Variants in ANGPT1 observed in about 807,000 individuals in gnomAD.
The protein encoded by ANGPT1 is angiopoietin 1.
Under a neutral mutation model 62.2 loss-of-function variants are expected in ANGPT1, and 17 were observed. That is an observed-to-expected ratio of 0.27 (90% CI 0.19 to 0.41). The LOEUF is 0.41. ANGPT1 is among the 10% of genes least tolerant of loss of function. The probability of loss-of-function intolerance (pLI) is 1.00; values close to 1 mark genes in which losing one functional copy is unlikely to be tolerated. For synonymous variants in ANGPT1, 199 were observed against 198.9 expected (o/e 1.00, Z 0.00); for missense variants, 478 against 594.9 (o/e 0.80, Z 2.04).
intron 1 of ANGPT1, among the ~76,000 whole-genome samples, chr8:107,421,490 C>T (rs1339306772): frequency 6.6e-6 from 1 of 152,106 alleles, no homozygotes; most frequent in East Asian, 1.9e-4. Context: ...ACAAGTATCC[C>T]AAAGCTATGT....
At chr8:107,258,519 T>G (rs1001814890) in intron 8 of ANGPT1, among the ~76,000 whole-genome samples, 1 of 152,186 alleles carries the variant, frequency 6.6e-6, no homozygotes, top group Non-Finnish European at 1.5e-5. Flanking sequence ...TTATTAAGCT[T>G]TGGTTGTAGC....
At chr8:107,352,440 A>T (rs924730051) in intron 1 of ANGPT1, among the ~76,000 whole-genome samples, 5 of 152,090 alleles carry the variant, frequency 3.3e-5, no homozygotes, top group African/African-American at 1.2e-4. Context: ...TTGCCCAATG[A>T]CCAGGGGAGA....
chr8:107,410,509 C>T lies in ANGPT1; in HGVS notation c.298-63412G>A, dbSNP rs73702065. Among the ~76,000 whole-genome samples the T allele has an allele frequency of 9.4e-3, 1,427 of 152,238 alleles. 24 individuals are homozygous for T. The highest frequency in any genetic ancestry group is 0.032 in the African/African-American group (1,329 of 41,546). ...GTGTTTTCTAAACCTCTATTTCCTT[C>T]GTTCTGCAGCTAGACACTAATTGTT... On this transcript the variant is annotated intron_variant, in intron 1 of 8. Transcript: ENST00000517746.
At chr8:107,328,787 T>C (rs192877094) in intron 3 of ANGPT1, among the ~76,000 whole-genome samples, 18 of 152,072 alleles carry the variant, frequency 1.2e-4, no homozygotes. Context: ...TAGCAAAGTT[T>C]TGGGAAATTT....
At chr8:107,489,645 T>A (rs1377443814) in intron 1 of ANGPT1, among the ~76,000 whole-genome samples, 2 of 152,198 alleles carry the variant, frequency 1.3e-5, no homozygotes, top group Non-Finnish European at 2.9e-5. Flanking sequence ...CAGGTATAGA[T>A]CCTACATGGA....
intron 7 of ANGPT1, among the ~76,000 whole-genome samples, chr8:107,266,481 G>C (rs2130047395): frequency 6.6e-6 from 1 of 152,292 alleles, no homozygotes; most frequent in East Asian, 1.9e-4. Context: ...TACTTGTTTG[G>C]TGAAGACAGA....
intron 1 of ANGPT1, among the ~76,000 whole-genome samples, chr8:107,441,244 ATCTT>A (rs1322339295): frequency 2.6e-5 from 4 of 152,228 alleles, no homozygotes; most frequent in African/African-American, 9.6e-5. Flanking sequence ...ATCCTTAATC[ATCTT>A]TCTTGGAAAG....
chr8:107,457,938 A>G (rs2130469557), intron 1 of ANGPT1, among the ~76,000 whole-genome samples: 1 of 152,074 alleles, frequency 6.6e-6, no homozygotes, highest in Non-Finnish European at 1.5e-5. Flanking sequence ...GTGAGTTAGT[A>G]AGCAAACTGT....
intron 7 of ANGPT1, among the ~76,000 whole-genome samples, chr8:107,269,287 G>T (rs1031202848): frequency 1.3e-4 from 20 of 151,782 alleles, no homozygotes; most frequent in African/African-American, 4.6e-4. Flanking sequence ...TCACTCATTA[G>T]TGCCAAGTAT....
At chr8:107,482,780 C>T (rs2130524552) in intron 1 of ANGPT1, among the ~76,000 whole-genome samples, 1 of 152,272 alleles carries the variant, frequency 6.6e-6, no homozygotes, top group Admixed American at 6.5e-5. Context: ...TTTGTTCTAA[C>T]TTTTAAAAAC....
intron 1 of ANGPT1, among the ~76,000 whole-genome samples, chr8:107,383,559 C>T (rs1286358151): frequency 6.6e-6 from 1 of 152,092 alleles, no homozygotes; most frequent in Non-Finnish European, 1.5e-5. Flanking sequence ...ATTATACCGC[C>T]TGTCTAGGTC....
At chr8:107,325,878 G>C (rs1815275395) in intron 3 of ANGPT1, among the ~76,000 whole-genome samples, 1 of 151,974 alleles carries the variant, frequency 6.6e-6, no homozygotes, top group Non-Finnish European at 1.5e-5. Flanking sequence ...TGTTTGATTT[G>C]TTTTGTTTTT....
At chr8:107,459,426 T>A (rs942953408) in intron 1 of ANGPT1, among the ~76,000 whole-genome samples, 4 of 151,224 alleles carry the variant, frequency 2.6e-5, no homozygotes, top group South Asian at 2.1e-4. Context: ...GAGGCGGAGG[T>A]TGCAGTGAGC....
chr8:107,420,423 T>G (rs1415262257), intron 1 of ANGPT1, among the ~76,000 whole-genome samples: 1 of 152,188 alleles, frequency 6.6e-6, no homozygotes, highest in Non-Finnish European at 1.5e-5. Context: ...TTTGCTTTAT[T>G]CCTGAAAGAA....
intron 1 of ANGPT1, among the ~76,000 whole-genome samples, chr8:107,441,379 C>T (rs551573479): frequency 4.6e-5 from 7 of 152,236 alleles, no homozygotes; most frequent in African/African-American, 1.4e-4. Context: ...TTTCAATATT[C>T]GAAGAAAGCT....
intron 2 of ANGPT1, among the ~76,000 whole-genome samples, chr8:107,336,814 C>T (rs1425744673): frequency 6.7e-6 from 1 of 148,912 alleles, no homozygotes; most frequent in Non-Finnish European, 1.5e-5. Flanking sequence ...GTCCTAAAAC[C>T]CTAGGATATT....
intron 1 of ANGPT1, among the ~76,000 whole-genome samples, chr8:107,442,079 G>T (rs761893821): frequency 5.3e-5 from 8 of 151,824 alleles, no homozygotes; most frequent in African/African-American, 1.5e-4. Context: ...GTGACACTCC[G>T]TCTCAAAAAA....
At position 107,368,247 on chromosome 8, in the gene ANGPT1, T is replaced by G. The variant is rs138128404; in HGVS notation, c.298-21150A>C. ...CCATCAGAGCTCCTGGGTCACCAGG[T>G]GCATTGTCAATGAACAGTAATACTT... On this transcript the variant is annotated intron_variant, in intron 1 of 8. Coordinates refer to ENST00000517746, the MANE Select transcript of ANGPT1 (RefSeq NM_001146.5). Among the ~76,000 whole-genome samples the G allele has an allele frequency of 3.7e-3, 569 of 152,272 alleles. 5 individuals carry two copies. The highest frequency in any genetic ancestry group is 0.013 in the African/African-American group (548 of 41,552).
intron 1 of ANGPT1, among the ~76,000 whole-genome samples, chr8:107,426,198 C>T (rs531049121): frequency 9.9e-5 from 15 of 152,196 alleles, no homozygotes; most frequent in South Asian, 2.1e-4. Flanking sequence ...GGGGCCTGTG[C>T]GCGTGAGGGA....
Sources: gnomAD v4.1 joint callset for allele counts (sites outside exome capture counted in the v4.1 genomes callset) on GRCh38, gnomAD v4.1.1 for gene constraint, MANE v1.5 for transcripts, NCBI Gene and HGNC (gene_info 2026-07-23, HGNC 2026-07-21) for gene names.